Variants in TBC1D31 observed in about 807,000 individuals in gnomAD.
TBC1D31 encodes the protein WD repeat domain 67.
In TBC1D31, 99 loss-of-function variants were observed where a neutral mutation model predicts 132.9. The observed-to-expected ratio is 0.74, with a 90% CI of 0.63 to 0.88. The LOEUF (loss-of-function observed/expected upper bound fraction) is 0.88. Ranked by LOEUF, TBC1D31 falls within the 40% of genes least tolerant of loss-of-function variation. The probability of loss-of-function intolerance (pLI) is 0.00; values close to 1 mark genes in which losing one functional copy is unlikely to be tolerated. For synonymous variants in TBC1D31, 385 were observed against 419.4 expected (o/e 0.92, Z 1.00); for missense variants, 1,134 against 1,256.6 (o/e 0.90, Z 1.48).
intron 1 of TBC1D31, among the ~76,000 whole-genome samples, chr8:123,076,223 C>G (rs1331033739): frequency 6.6e-6 from 1 of 152,106 alleles, no homozygotes. Flanking sequence ...ACCTCAGACT[C>G]CTGAGTAACT....
chr8:123,149,194 G>A (rs1207247303), intron 20 of TBC1D31, among the ~76,000 whole-genome samples: 2 of 151,974 alleles, frequency 1.3e-5, no homozygotes, highest in African/African-American at 2.4e-5. Context: ...GCCATGTCCC[G>A]CCCTTCAGAT....
At chr8:123,084,753 C>T (rs1443035638) in intron 4 of TBC1D31, among the ~76,000 whole-genome samples, 1 of 151,304 alleles carries the variant, frequency 6.6e-6, no homozygotes, top group African/African-American at 2.4e-5. Context: ...ACCATACTCT[C>T]TTATGGGTCT....
At chr8:123,102,092 C>T (rs954204482) in intron 7 of TBC1D31, among the ~76,000 whole-genome samples, 3 of 151,218 alleles carry the variant, frequency 2.0e-5, no homozygotes, top group South Asian at 2.1e-4. Flanking sequence ...ATCCATTTCA[C>T]GAAAATGCAT....
At chr8:123,101,470 A>G (rs1817409414) in intron 7 of TBC1D31, among the ~76,000 whole-genome samples, 1 of 152,090 alleles carries the variant, frequency 6.6e-6, no homozygotes, top group Non-Finnish European at 1.5e-5. Flanking sequence ...GCTGGAGTGC[A>G]ATGGTGCGAT....
At chr8:123,080,420 C>T (rs114063067) in intron 2 of TBC1D31, among the ~76,000 whole-genome samples, 110 of 151,986 alleles carry the variant, frequency 7.2e-4, no homozygotes, top group African/African-American at 2.5e-3. Flanking sequence ...TGTGATCAAC[C>T]GTTGTCCTTC....
At chr8:123,152,294 T>TCAGCAGCAGGTGGAGAGCGC (rs1398287635), downstream of TBC1D31, 6 of 160,058 alleles carry the variant, frequency 3.7e-5, no homozygotes, top group African/African-American at 1.4e-4. Context: ...GAGGGAGAAC[T>TCAGCAGCAGGTGGAGAGCGC]CAGCAGCAGG....
At chr8:123,117,770 A>C (rs1467693258) in intron 10 of TBC1D31, among the ~76,000 whole-genome samples, 3 of 151,410 alleles carry the variant, frequency 2.0e-5, no homozygotes, top group Admixed American at 2.0e-4. Flanking sequence ...AAAAAAAAAA[A>C]AAAAAAAAAA....
In TBC1D31 at chr8:123,134,201, G is replaced by A; in HGVS notation, c.2494G>A (p.Glu832Lys). Residue 832 changes from glutamate to lysine, a missense_variant, in exon 17 of 22, where the codon GAG (glutamate) becomes AAG (lysine). Physicochemically the swap from Glu to Lys is moderately conservative, Grantham distance 56. Coordinates refer to ENST00000287380, the MANE Select transcript of TBC1D31 (RefSeq NM_145647.4). ...ACTCGAATCACAAAAGAGACTTTAT[G>A]AGAAGGTATAATTCAGTTATTTCCA... ...LELESQKRLY[E>K]KNLTENQEAL... The A allele has an allele frequency of 3.1e-6, 5 of 1,613,512 alleles. No individual in the cohort carries two copies. The South Asian group carries it at 5.5e-5, about 18-fold the overall frequency.
intron 2 of TBC1D31, among the ~76,000 whole-genome samples, chr8:123,082,003 C>T (rs945947715): frequency 6.6e-6 from 1 of 152,130 alleles, no homozygotes; most frequent in Non-Finnish European, 1.5e-5. Context: ...TAATATGGCT[C>T]CTAGAAAAAT....
chr8:123,117,542 C>G (rs1463026101), intron 10 of TBC1D31, among the ~76,000 whole-genome samples: 2 of 151,506 alleles, frequency 1.3e-5, no homozygotes, highest in Non-Finnish European at 2.9e-5. Context: ...ATGACGAGGT[C>G]AGGAGATCGA....
intron 5 of TBC1D31, among the ~76,000 whole-genome samples, chr8:123,096,899 G>A (rs908630844): frequency 7.9e-5 from 12 of 151,982 alleles, no homozygotes; most frequent in African/African-American, 2.4e-4. Flanking sequence ...ATAGCTGTAC[G>A]TGAAATATAG....
intron 10 of TBC1D31, among the ~76,000 whole-genome samples, chr8:123,117,053 G>A (rs1041788817): frequency 6.6e-6 from 1 of 152,276 alleles, no homozygotes; most frequent in East Asian, 1.9e-4. Context: ...GGTGGCTCAC[G>A]CCTGCAATCC....
At chr8:123,083,335 G>C (rs1351557740) in intron 3 of TBC1D31, 1 of 152,442 alleles carries the variant, frequency 6.6e-6, no homozygotes, top group Non-Finnish European at 1.5e-5. Flanking sequence ...ATACACACAA[G>C]TACATCAGAA....
intron 2 of TBC1D31, among the ~76,000 whole-genome samples, chr8:123,081,819 A>G (rs959705976): frequency 6.6e-6 from 1 of 152,170 alleles, no homozygotes; most frequent in African/African-American, 2.4e-5. Context: ...ATTCACTACC[A>G]TGAGAACAGT....
At chr8:123,132,510 T>C (rs1340623526) in intron 16 of TBC1D31, among the ~76,000 whole-genome samples, 1 of 144,302 alleles carries the variant, frequency 6.9e-6, no homozygotes, top group African/African-American at 2.6e-5. Flanking sequence ...ACCTCCCGGA[T>C]TCAAGCAATT....
chr8:123,125,378 A>T (rs1819936662), intron 11 of TBC1D31, among the ~76,000 whole-genome samples: 2 of 152,198 alleles, frequency 1.3e-5, no homozygotes, highest in South Asian at 4.1e-4. Flanking sequence ...CTTTCAAAGA[A>T]TGCCACTGTT....
chr8:123,150,145 G>A lies in TBC1D31; in HGVS notation c.3067+17G>A. 2 of 1,576,948 alleles carry A rather than the reference G, an allele frequency of 1.3e-6. No individual in the cohort carries two copies. Among genetic ancestry groups the A allele is most frequent in the Non-Finnish European group, 1.7e-6 (2 of 1,147,936 alleles). On this transcript the variant is annotated intron_variant, in intron 21 of 21. Transcript: ENST00000287380. ...CAACACAGAGTAAGTTGATAAGCAA[G>A]AAAATGTTATTCTGCCATTTTAAAT... is the stretch of plus-strand genomic sequence containing the variant.
chr8:123,074,310 G>A (rs1366988737), intron 1 of TBC1D31, among the ~76,000 whole-genome samples: 2 of 152,186 alleles, frequency 1.3e-5, no homozygotes, highest in Non-Finnish European at 1.5e-5. Context: ...GTAAGCCACC[G>A]CGCCTGGCCG....
chr8:123,093,538 A>G, intron 4 of TBC1D31, 53 bp from the exon 5 acceptor site: 4 of 1,259,834 alleles, frequency 3.2e-6, no homozygotes, highest in Non-Finnish European at 4.3e-6. Context: ...TTTTAAATTT[A>G]AAGTCTCTAT....
Sources: allele counts gnomAD v4.1 joint callset (sites outside exome capture counted in the v4.1 genomes callset), GRCh38; gene constraint gnomAD v4.1.1; transcripts MANE v1.5; gene names NCBI Gene and HGNC (gene_info 2026-07-23, HGNC 2026-07-21).